Variants in EVPL observed in about 807,000 individuals in gnomAD.
EVPL encodes the protein envoplakin.
In EVPL, 94 loss-of-function variants were observed where a neutral mutation model predicts 129.7. The observed-to-expected ratio is 0.72, with a 90% CI of 0.61 to 0.86. The LOEUF is 0.86. Among genes scored for constraint, EVPL ranks in the 40% least tolerant of loss-of-function variants. The pLI, the probability that EVPL is intolerant of heterozygous loss-of-function variation, is 0.00. For missense variants in EVPL, 2,625 were observed against 2,721.1 expected (o/e 0.96, Z 0.79); for synonymous variants, 1,172 against 1,191.1 (o/e 0.98, Z 0.33).
intron 18 of EVPL, 34 bp downstream of exon 18, chr17:76,014,392 T>C (rs963022268): frequency 1.3e-5 from 21 of 1,589,960 alleles, no homozygotes; most frequent in Non-Finnish European, 1.5e-5. Context: ...GGGGGCCACA[T>C]GGGCACAGGC....
In EVPL at chr17:76,013,665, T is replaced by C. The variant is rs2066395517; in HGVS notation, c.2373+761A>G. Among the ~76,000 whole-genome samples the C allele has an allele frequency of 6.6e-6, 1 of 152,142 alleles. No homozygotes were observed. Among genetic ancestry groups the C allele is most frequent in the Admixed American group, 6.5e-5 (1 of 15,276 alleles). ...CATCTCCATCTCAGATCTGCCCACC[T>C]CGCCCTGTGCCATGGTCCCTTCCCC... On this transcript the variant is annotated intron_variant, in intron 18 of 21. Transcript: ENST00000301607. This position sits in a 1 kb window ranked among gnomAD's most constrained non-coding sequence, Gnocchi z 4.3.
rs10445216 is a variant in EVPL at position 76,022,516 on chromosome 17, T to C, written c.503A>G (p.Tyr168Cys). Residue 168 changes from tyrosine to cysteine, a missense_variant, in exon 5 of 22, where the codon TAC (tyrosine) becomes TGC (cysteine). By Grantham distance (194) the Tyr-to-Cys change is radical. Around this residue, in one of 4 missense-constraint regions of EVPL, gnomAD observed 1,024 missense variants for 997.5 expected, o/e 1.03. Coordinates refer to ENST00000301607, the MANE Select transcript of EVPL (RefSeq NM_001988.4). This position sits in a 1 kb window ranked among gnomAD's most constrained non-coding sequence, Gnocchi z 5.6. ...CTCCAGCTCCGCCATGCCCGGCCCG[T>C]ACTGGCCTGCGCAGACCTGCTTCTG... ...QKQKQVCAGQ[Y>C]GPGMAELEQQ... The C allele has an allele frequency of 0.022, 35,743 of 1,609,390 alleles. 507 individuals are homozygous for C. Among genetic ancestry groups the C allele is most frequent in the Non-Finnish European group, 0.027 (31,437 of 1,178,378 alleles).
chr17:76,017,202 G>T (rs759930093), intron 14 of EVPL, among the ~76,000 whole-genome samples: 10 of 152,216 alleles, frequency 6.6e-5, no homozygotes, highest in Non-Finnish European at 1.5e-4. Flanking sequence ...GATGCAGAGA[G>T]ACTTTGTCTC....
In EVPL at chr17:76,022,554, C is replaced by A; in HGVS notation, c.481-16G>T. On this transcript the variant is annotated splice_polypyrimidine_tract_variant and intron_variant, in intron 4 of 21. Coordinates refer to ENST00000301607, the MANE Select transcript of EVPL (RefSeq NM_001988.4). The surrounding 1 kb of genome is among the most constrained non-coding windows in gnomAD (Gnocchi z 5.6). Reference sequence around the variant, plus strand: ...AGACCTGCTTCTGCAGGAGAGCCGGCGGCTCAGTCCCCAAAGGACCGCGGT... The same window carrying A: ...AGACCTGCTTCTGCAGGAGAGCCGGAGGCTCAGTCCCCAAAGGACCGCGGT... 1 of 1,592,444 alleles carries A rather than the reference C, an allele frequency of 6.3e-7. No individual in the cohort carries two copies. The highest frequency in any genetic ancestry group is 8.5e-7 in the Non-Finnish European group (1 of 1,170,688).
In EVPL at chr17:76,023,862, C is replaced by T. The variant is rs183595642; in HGVS notation, c.198+159G>A. Among the ~76,000 whole-genome samples the T allele has an allele frequency of 1.0e-3, 154 of 152,328 alleles. 1 individual carries two copies. The highest frequency in any genetic ancestry group is 3.0e-3 in the African/African-American group (124 of 41,576). On this transcript the variant is annotated intron_variant, in intron 2 of 21. Transcript: ENST00000301607. ...CCAGAAAAGAAGGAAGCTGAGCCCT[C>T]TCTCCCACCGTGTGTTAGGGGATGG...
intron 18 of EVPL, 131 bp from the exon 19 acceptor site, chr17:76,012,220 C>A: frequency 1.6e-6 from 1 of 633,884 alleles, no homozygotes; most frequent in Non-Finnish European, 2.7e-6. Flanking sequence ...GGGAGGGAGA[C>A]CTGGGCCAAA....
chr17:76,011,387 G>C (rs547254102), intron 21 of EVPL, 189 bp downstream of exon 21: 1 of 621,076 alleles, frequency 1.6e-6, no homozygotes, highest in Non-Finnish European at 2.9e-6. Context: ...TGTAAGAGCT[G>C]CTGGAGAGAA....
In EVPL at chr17:76,012,036, G is replaced by C. The variant is rs549301779; in HGVS notation, c.2427C>G (p.His809Gln). 1.9e-6 allele frequency: 3 copies of C among 1,612,750 alleles called. No individual in the cohort carries two copies. In the East Asian group the frequency reaches 6.7e-5, roughly 36 times the overall value. ...GCGCTGCCTGCAGGGCCTGGGAGAG[G>C]TGGGATGCTGTGGCCCTGTCCCGCT... ...SRERDRATAS[H>Q]LSQALQAALQ... The change falls in exon 19 of 22, where the codon CAC (histidine) becomes CAG (glutamine). Residue 809 changes from histidine (H) to glutamine (Q), a missense_variant. His to Gln is a conservative substitution (Grantham distance 24). Around this residue, in one of 4 missense-constraint regions of EVPL, gnomAD observed 1,024 missense variants for 997.5 expected, o/e 1.03. Coordinates refer to ENST00000301607, the MANE Select transcript of EVPL (RefSeq NM_001988.4).
chr17:76,017,884 G>A lies in EVPL; in HGVS notation c.1565C>T (p.Pro522Leu). Residue 522 changes from proline (P) to leucine (L), a missense_variant, in exon 14 of 22, where the codon CCA becomes CTA. Coordinates refer to ENST00000301607, the MANE Select transcript of EVPL (RefSeq NM_001988.4). ...QAPSGSDLAN[P>L]QAQKLLTQMT... ...CTGTGTCAGGAGCTTCTGGGCCTGTGGGTTGGCCAGGTCTGAGCCAGATGG... is the reference window on the plus strand; with the variant it reads ...CTGTGTCAGGAGCTTCTGGGCCTGTAGGTTGGCCAGGTCTGAGCCAGATGG... 1 of 1,614,100 alleles carries A rather than the reference G, an allele frequency of 6.2e-7. No homozygotes were observed. The highest frequency in any genetic ancestry group is 8.5e-7 in the Non-Finnish European group (1 of 1,180,038).
rs2066338149 is a variant in EVPL, at chr17:76,008,219, G to C, written c.4986C>G (p.Leu1662=). The C allele has an allele frequency of 1.2e-6, 2 of 1,613,928 alleles. No homozygotes were observed. Among genetic ancestry groups the C allele is most frequent in the African/African-American group, 2.7e-5 (2 of 74,944 alleles). The part of the protein sequence containing the change: ...IYEKERTLRD[L]HAKVSREELS... ...GCTCCTCCCGGCTCACCTTGGCGTG[G>C]AGGTCCCGGAGCGTCCGCTCCTTCT... The change falls in exon 22 of 22, where the codon CTC becomes CTG. Residue 1662 remains leucine (L), a synonymous_variant. Coordinates refer to ENST00000301607, the MANE Select transcript of EVPL (RefSeq NM_001988.4). The surrounding 1 kb of genome is among the most constrained non-coding windows in gnomAD (Gnocchi z 7.4).
chr17:76,011,759 G>T lies in EVPL; in HGVS notation c.2568+13C>A, dbSNP rs770323558. The T allele has an allele frequency of 6.2e-7, 1 of 1,610,932 alleles. No individual in the cohort carries two copies. The highest frequency in any genetic ancestry group is 1.3e-5 in the African/African-American group (1 of 74,808). Reference sequence around the variant, plus strand: ...TGTCAAGGTCCACTGAGCCCCGCAAGGTCCCATCTCACCTGGGCTTGGATG... The same window carrying T: ...TGTCAAGGTCCACTGAGCCCCGCAATGTCCCATCTCACCTGGGCTTGGATG... On this transcript the variant is annotated intron_variant, in intron 20 of 21. Coordinates refer to ENST00000301607, the MANE Select transcript of EVPL (RefSeq NM_001988.4).
chr17:76,015,221 C>A lies in EVPL; in HGVS notation c.2028+6G>T. On this transcript the variant is annotated splice_donor_region_variant and intron_variant, in intron 16 of 21. Coordinates refer to ENST00000301607, the MANE Select transcript of EVPL (RefSeq NM_001988.4). ...TGACACCAGGAGGCCCCGGCTGGTC[C>A]CTTACCTGCAGCTCGCTGACCCTCT... 6.3e-7 allele frequency: 1 copy of A among 1,585,096 alleles called. No individual in the cohort carries two copies. The highest frequency in any genetic ancestry group is 8.6e-7 in the Non-Finnish European group (1 of 1,168,366).
At chr17:76,026,316 C>A (rs2066498161) in intron 1 of EVPL, among the ~76,000 whole-genome samples, 1 of 150,776 alleles carries the variant, frequency 6.6e-6, no homozygotes. Flanking sequence ...GTGATCATGG[C>A]TCACTGCAGC....
At chr17:76,023,075 T>G (rs1598245200) in intron 4 of EVPL, among the ~76,000 whole-genome samples, 1 of 152,126 alleles carries the variant, frequency 6.6e-6, no homozygotes, top group African/African-American at 2.4e-5. Context: ...TACTTCACCC[T>G]GGCCCAACTG....
In EVPL at chr17:76,009,859, G is replaced by C; in HGVS notation, c.3346C>G (p.Leu1116Val). 1 of 1,614,050 alleles carries C rather than the reference G, an allele frequency of 6.2e-7. No homozygotes were observed. The highest frequency in any genetic ancestry group is 1.6e-4 in the Middle Eastern group (1 of 6,062). ...TCCAGGTCTTCGATGCGAGCCTGTA[G>C]CTTGGCCACAGCCTCCTCCGCCTGC... The part of the protein sequence containing the change: ...RKQAEEAVAK[L>V]QARIEDLERA... The change falls in exon 22 of 22, where the codon CTA (leucine) becomes GTA (valine). Residue 1116 changes from leucine to valine, a missense_variant. Physicochemically the swap from Leu to Val is conservative, Grantham distance 32. Coordinates refer to ENST00000301607, the MANE Select transcript of EVPL (RefSeq NM_001988.4). This position sits in a 1 kb window ranked among gnomAD's most constrained non-coding sequence, Gnocchi z 5.9.
rs1480877994 is a variant in EVPL at position 76,022,244 on chromosome 17, G to A, written c.607-17C>T. The A allele has an allele frequency of 6.2e-7, 1 of 1,613,164 alleles. No homozygotes were observed. Among genetic ancestry groups the A allele is most frequent in the African/African-American group, 1.3e-5 (1 of 74,926 alleles). On this transcript the variant is annotated splice_polypyrimidine_tract_variant and intron_variant, in intron 5 of 21. Transcript: ENST00000301607. The surrounding 1 kb of genome is among the most constrained non-coding windows in gnomAD (Gnocchi z 5.6). ...GGCTGCATCCTGCCTCGACCAAGGG[G>A]AGAAACAAGCCCGTGAGAGGTGGGG...
At position 76,009,382 on chromosome 17, in the gene EVPL, C is replaced by T. The variant is rs1162252129; in HGVS notation, c.3823G>A (p.Ala1275Thr). Residue 1275 changes from alanine to threonine, a missense_variant, in exon 22 of 22, where the codon GCT becomes ACT. Ala to Thr is a moderately conservative substitution (Grantham distance 58). Around this residue, in one of 4 missense-constraint regions of EVPL, gnomAD observed 1,453 missense variants for 1,511.8 expected, o/e 0.96. Coordinates refer to ENST00000301607, the MANE Select transcript of EVPL (RefSeq NM_001988.4). The surrounding 1 kb of genome is among the most constrained non-coding windows in gnomAD (Gnocchi z 5.9). ...CTGTTGACGAGCTCGTTGAGCTGAGCCTTCAGGCGGTCGATCTCACGCAGC... is the reference window on the plus strand; with the variant it reads ...CTGTTGACGAGCTCGTTGAGCTGAGTCTTCAGGCGGTCGATCTCACGCAGC... The part of the protein sequence containing the change: ...EVLREIDRLK[A>T]QLNELVNSHG... The T allele has an allele frequency of 6.2e-7, 1 of 1,613,986 alleles. No individual in the cohort carries two copies.
chr17:76,007,460 G>C lies in EVPL; in HGVS notation c.5745C>G (p.Leu1915=), dbSNP rs150107944. Residue 1915 remains leucine (L), a synonymous_variant, in exon 22 of 22, where the codon CTC becomes CTG. Coordinates refer to ENST00000301607, the MANE Select transcript of EVPL (RefSeq NM_001988.4). This position sits in a 1 kb window ranked among gnomAD's most constrained non-coding sequence, Gnocchi z 8.8. ...CCTTCTGGACGGCCTCGCCCACCGA[G>C]AGCCTCTTCTTGGTGACGGGGTCCT... ...GIEDPVTKKR[L]SVGEAVQKGW... 1,321 of 1,609,426 alleles carry C rather than the reference G, an allele frequency of 8.2e-4. 7 individuals carry two copies. In the African/African-American group the frequency reaches 0.016, roughly 19 times the overall value.
At chr17:76,012,899 C>T (rs748984721) in intron 18 of EVPL, among the ~76,000 whole-genome samples, 9 of 152,030 alleles carry the variant, frequency 5.9e-5, no homozygotes, top group Non-Finnish European at 1.2e-4. Context: ...TGCCCAGCAC[C>T]GTGCCCGGCT....
Sources: allele counts gnomAD v4.1 joint callset (sites outside exome capture counted in the v4.1 genomes callset), GRCh38; gene constraint gnomAD v4.1.1; regional missense constraint gnomAD v4.1.1; non-coding constraint Gnocchi (gnomAD v3.1); transcripts MANE v1.5; gene names NCBI Gene and HGNC (gene_info 2026-07-23, HGNC 2026-07-21).